The following CHCHD3 variants were observed in gnomAD, a reference collection of about 807,000 sequenced individuals.
CHCHD3 encodes the protein coiled-coil-helix-coiled-coil-helix domain containing 3, also known as MICOS complex subunit MIC19.
CHCHD3 carries 20 observed loss-of-function variants against 38.2 expected under a neutral mutation model. The observed-to-expected ratio is 0.52, with a 90% CI of 0.37 to 0.76. CHCHD3 has a LOEUF of 0.76. CHCHD3 is among the 30% of genes least tolerant of loss of function. CHCHD3 has a pLI of 0.00. For missense variants in CHCHD3, 245 were observed against 279.2 expected (o/e 0.88, Z 0.87); for synonymous variants, 82 against 100.0 (o/e 0.82, Z 1.07).
intron 4 of CHCHD3, among the ~76,000 whole-genome samples, chr7:132,890,460 C>T (rs184443790): frequency 6.6e-6 from 1 of 152,268 alleles, no homozygotes; most frequent in East Asian, 1.9e-4. Flanking sequence ...CTGGTTGCTC[C>T]TGGGGACTCA....
chr7:132,879,374 A>T (rs986723327), intron 5 of CHCHD3, among the ~76,000 whole-genome samples: 1 of 152,174 alleles, frequency 6.6e-6, no homozygotes, highest in Non-Finnish European at 1.5e-5. Flanking sequence ...TCAAGCCAAG[A>T]GGGCTTCATG....
At chr7:132,993,725 C>T (rs1373024581) in intron 3 of CHCHD3, among the ~76,000 whole-genome samples, 1 of 152,186 alleles carries the variant, frequency 6.6e-6, no homozygotes, top group Non-Finnish European at 1.5e-5. Context: ...CTCTCCCCAT[C>T]CCTCACCCAC....
chr7:132,822,632 A>G (rs1326144377), intron 6 of CHCHD3, among the ~76,000 whole-genome samples: 1 of 152,132 alleles, frequency 6.6e-6, no homozygotes, highest in Non-Finnish European at 1.5e-5. Context: ...TTATATGTAC[A>G]TGTCCTATAT....
intron 2 of CHCHD3, among the ~76,000 whole-genome samples, chr7:133,042,164 A>C (rs895838398): frequency 6.6e-6 from 1 of 152,240 alleles, no homozygotes; most frequent in East Asian, 1.9e-4. Flanking sequence ...TAAAAGATGT[A>C]AATGGAGAAC....
Position 132,784,876 on chromosome 7 carries a change from A to G in CHCHD3, c.*761T>C, listed in dbSNP as rs1024079779. 2 of 152,678 alleles carry G rather than the reference A, an allele frequency of 1.3e-5. No individual in the cohort carries two copies. The highest frequency in any genetic ancestry group is 2.9e-5 in the Non-Finnish European group (2 of 68,042). The allele number at this position is 152,678 out of a possible 1,614,324, so 9.5% of individuals were successfully genotyped here. On this transcript the variant is annotated 3_prime_UTR_variant, in exon 8 of 8. Coordinates refer to ENST00000262570, the MANE Select transcript of CHCHD3 (RefSeq NM_017812.4). ...AGGAGCTACAATGCCAGTCTTTGTC[A>G]GAAAATATATTTATTATTGATAGTG...
At position 132,831,657 on chromosome 7, in the gene CHCHD3, AAGAT is replaced by A. The variant is rs1585554099; in HGVS notation, c.524+6738_524+6741del. ...AGTTTTAATTAAAAGTTTAAGAAGA[AAGAT>A]AAGTAACATAAATTTACCTGATTAA... On this transcript the variant is annotated intron_variant, in intron 6 of 7. Coordinates refer to ENST00000262570, the MANE Select transcript of CHCHD3 (RefSeq NM_017812.4). 2.0e-5 allele frequency among the ~76,000 whole-genome samples: 3 copies of A among 152,272 alleles called. No homozygotes were observed. The East Asian group carries it at 5.8e-4, about 29-fold the overall frequency.
At chr7:132,915,132 C>T (rs1183420525) in intron 4 of CHCHD3, among the ~76,000 whole-genome samples, 1 of 150,660 alleles carries the variant, frequency 6.6e-6, no homozygotes, top group Non-Finnish European at 1.5e-5. Context: ...GAGCAGTACT[C>T]CATCTCAAAA....
intron 6 of CHCHD3, among the ~76,000 whole-genome samples, chr7:132,799,870 T>A (rs1806742446): frequency 6.6e-6 from 1 of 152,110 alleles, no homozygotes; most frequent in African/African-American, 2.4e-5. Context: ...TCTCCCCTCA[T>A]CTCCACAAGC....
chr7:132,811,813 C>T (rs1182901899), intron 6 of CHCHD3, among the ~76,000 whole-genome samples: 1 of 152,152 alleles, frequency 6.6e-6, no homozygotes, highest in East Asian at 1.9e-4. Context: ...GTTGGAGTTC[C>T]TTGGAGTGAT....
In CHCHD3 at chr7:132,875,060, T is replaced by TA. The variant is rs918375721; in HGVS notation, c.453+10601dup. Among the ~76,000 whole-genome samples the TA allele has an allele frequency of 3.3e-5, 5 of 151,820 alleles. No homozygotes were observed. The East Asian group carries it at 5.8e-4, about 18-fold the overall frequency. ...TCCTAGGATGCAAGCTAAGAAGGAC[T>TA]AAAAAAAATGTAGGTACTAGCATTA... On this transcript the variant is annotated intron_variant, in intron 5 of 7. Transcript: ENST00000262570.
chr7:132,974,459 C>A (rs1811705586), intron 4 of CHCHD3, among the ~76,000 whole-genome samples: 1 of 152,222 alleles, frequency 6.6e-6, no homozygotes, highest in African/African-American at 2.4e-5. Context: ...ATTGATCAAA[C>A]CTTACTCACC....
intron 5 of CHCHD3, among the ~76,000 whole-genome samples, chr7:132,860,651 G>A (rs1361436595): frequency 6.6e-6 from 1 of 151,290 alleles, no homozygotes; most frequent in Non-Finnish European, 1.5e-5. Context: ...TTTTGAGACA[G>A]AGTCTCACTC....
At chr7:132,960,462 T>A (rs7804370) in intron 4 of CHCHD3, among the ~76,000 whole-genome samples, 2 of 152,008 alleles carry the variant, frequency 1.3e-5, no homozygotes, top group African/African-American at 4.8e-5. Context: ...AGCCACTCTC[T>A]TAATAATATA....
intron 4 of CHCHD3, among the ~76,000 whole-genome samples, chr7:132,932,615 GC>G (rs1293246250): frequency 2.0e-5 from 3 of 152,196 alleles, no homozygotes; most frequent in Non-Finnish European, 4.4e-5. Flanking sequence ...CGCACACAGG[GC>G]CTTCACGTCA....
intron 6 of CHCHD3, among the ~76,000 whole-genome samples, chr7:132,830,360 G>A (rs918256463): frequency 1.3e-5 from 2 of 152,146 alleles, no homozygotes; most frequent in African/African-American, 2.4e-5. Flanking sequence ...GATGAGATAC[G>A]GAAGGAGCTG....
rs140234488 is a variant in CHCHD3 at position 132,873,038 on chromosome 7, C to T, written c.453+12624G>A. Among the ~76,000 whole-genome samples, 16 of 151,392 alleles carry T rather than the reference C, an allele frequency of 1.1e-4. No homozygotes were observed. The East Asian group carries it at 2.9e-3, about 28-fold the overall frequency. On this transcript the variant is annotated intron_variant, in intron 5 of 7. Transcript: ENST00000262570. ...TGAGGAGATGGAGGTTGCAGTGAGCCGAGATCGCACCACTGCACTCCAGCC... is the reference window on the plus strand; with the variant it reads ...TGAGGAGATGGAGGTTGCAGTGAGCTGAGATCGCACCACTGCACTCCAGCC...
chr7:133,034,657 C>T (rs1221003118), intron 2 of CHCHD3: 1 of 1,612,704 alleles, frequency 6.2e-7, no homozygotes, highest in Non-Finnish European at 8.5e-7. Flanking sequence ...TGCTGGAAGG[C>T]CCCCTCCCAG....
intron 5 of CHCHD3, among the ~76,000 whole-genome samples, chr7:132,876,842 G>C (rs1808926788): frequency 6.6e-6 from 1 of 152,204 alleles, no homozygotes; most frequent in Non-Finnish European, 1.5e-5. Flanking sequence ...CTGCTCAGCA[G>C]AGAGGATGGC....
intron 3 of CHCHD3, among the ~76,000 whole-genome samples, chr7:132,980,576 C>T (rs1250677170): frequency 4.6e-5 from 7 of 152,124 alleles, no homozygotes; most frequent in Non-Finnish European, 1.5e-5. Context: ...GGATAGCTTG[C>T]CTAAGCTTAA....
Sources: allele counts gnomAD v4.1 joint callset (sites outside exome capture counted in the v4.1 genomes callset), GRCh38; gene constraint gnomAD v4.1.1; transcripts MANE v1.5; gene names NCBI Gene and HGNC (gene_info 2026-07-23, HGNC 2026-07-21).